The following TSNAX variants were observed in gnomAD, a reference collection of about 807,000 sequenced individuals.
TSNAX encodes the protein translin-associated protein X.
Under a neutral mutation model 33.0 loss-of-function variants are expected in TSNAX, and 12 were observed. The observed-to-expected ratio is 0.36, with a 90% confidence interval of 0.23 to 0.59. The LOEUF (loss-of-function observed/expected upper bound fraction) is 0.59, where lower values mean the gene tolerates loss of function less well. TSNAX is among the 20% of genes least tolerant of loss of function. The pLI, the probability that TSNAX is intolerant of heterozygous loss-of-function variation, is 0.74. For synonymous variants in TSNAX, 110 were observed against 117.2 expected, an observed-to-expected ratio of 0.94 and a Z score of 0.40; for missense variants, 267 against 341.3, an observed-to-expected ratio of 0.78 and a Z score of 1.72.
rs960943721 is a variant in TSNAX, at chr1:231,528,837, TAAC to T, written c.16+16_16+18del. 6.2e-7 allele frequency: 1 copy of T among 1,614,202 alleles called. No individual in the cohort carries two copies. Among genetic ancestry groups the T allele is most frequent in the South Asian group, 1.1e-5 (1 of 91,084 alleles). ...TGAGCAACAAAGAAGGTGGCGTCCT[TAAC>T]AACACGGGGCGTTATTTATCCGGAG... On this transcript the variant is annotated intron_variant, in intron 1 of 5. Coordinates refer to ENST00000366639, the MANE Select transcript of TSNAX (RefSeq NM_005999.3).
chr1:231,548,267 T>C (rs1407780690), intron 4 of TSNAX, among the ~76,000 whole-genome samples: 4 of 152,232 alleles, frequency 2.6e-5, no homozygotes, highest in African/African-American at 9.6e-5. Context: ...CTGATAACAT[T>C]ATTCTGTATA....
intron 3 of TSNAX, among the ~76,000 whole-genome samples, chr1:231,540,260 G>A (rs1414923519): frequency 6.6e-6 from 1 of 150,714 alleles, no homozygotes; most frequent in East Asian, 1.9e-4. Flanking sequence ...AGGACCTCAT[G>A]TATTTTAACT....
intron 4 of TSNAX, among the ~76,000 whole-genome samples, chr1:231,546,191 A>G (rs573574752): frequency 5.9e-5 from 9 of 152,308 alleles, no homozygotes; most frequent in African/African-American, 2.2e-4. Flanking sequence ...TTCACTTTAT[A>G]TATCCCAGAC....
At position 231,528,691 on chromosome 1, in the gene TSNAX, C is replaced by G. The variant is rs1370498234; in HGVS notation, c.-120C>G. On this transcript the variant is annotated 5_prime_UTR_variant, in exon 1 of 6. Transcript: ENST00000366639. ...CTTCCGGCCACTGCGTTGTAGTCGG[C>G]CCGGCTGCAAAGCGTTTTTCTGCAG... 17 of 1,179,738 alleles carry G rather than the reference C, an allele frequency of 1.4e-5. No homozygotes were observed. The highest frequency in any genetic ancestry group is 1.9e-5 in the Non-Finnish European group (15 of 804,354). 73.1% of individuals were successfully genotyped at this position (1,179,738 alleles called of 1,614,324 possible). A position where few individuals can be genotyped will look rare whatever the true frequency, so the allele number is the denominator to read the frequency against.
chr1:231,552,299 A>G (rs939705137), intron 4 of TSNAX, among the ~76,000 whole-genome samples: 1 of 151,110 alleles, frequency 6.6e-6, no homozygotes, highest in Non-Finnish European at 1.5e-5. Context: ...AAAAAAAACC[A>G]AAACAAACAA....
At chr1:231,559,983 TTA>T (rs746649209) in intron 4 of TSNAX, among the ~76,000 whole-genome samples, 53 of 143,012 alleles carry the variant, frequency 3.7e-4, no homozygotes, top group African/African-American at 1.3e-3. Flanking sequence ...ATTATTATTA[TTA>T]TTTTTTTTTT....
Position 231,552,252 on chromosome 1 carries a change from G to C in TSNAX, c.368-8876G>C, listed in dbSNP as rs532452559. 3.5e-4 allele frequency among the ~76,000 whole-genome samples: 53 copies of C among 152,168 alleles called. 1 individual carries two copies. Among genetic ancestry groups the C allele is most frequent in the Non-Finnish European group, 5.4e-4 (37 of 68,016 alleles). On this transcript the variant is annotated intron_variant, in intron 4 of 5. Transcript: ENST00000366639. Reference sequence around the variant, plus strand: ...TGCAGTGAGCCAAGATCGTGCCACTGTACTCCATCCTGGGCAACAGAGCCA... The same window carrying C: ...TGCAGTGAGCCAAGATCGTGCCACTCTACTCCATCCTGGGCAACAGAGCCA...
intron 2 of TSNAX, chr1:231,536,275 A>G (rs1030400498): frequency 6.6e-6 from 1 of 152,216 alleles, no homozygotes; most frequent in African/African-American, 2.4e-5. Flanking sequence ...TTCTGAAAAT[A>G]ATATTTCTGA....
At chr1:231,552,047 G>A (rs1156297148) in intron 4 of TSNAX, among the ~76,000 whole-genome samples, 2 of 152,186 alleles carry the variant, frequency 1.3e-5, no homozygotes, top group East Asian at 3.9e-4. Context: ...TGTAATCTCA[G>A]CACTTTGGGA....
At chr1:231,554,400 CAT>C (rs1163534716) in intron 4 of TSNAX, among the ~76,000 whole-genome samples, 1 of 152,112 alleles carries the variant, frequency 6.6e-6, no homozygotes, top group Admixed American at 6.5e-5. Flanking sequence ...GTCTCTTGTA[CAT>C]ATGAGTTGCT....
At position 231,529,404 on chromosome 1, in the gene TSNAX, T is replaced by A. The variant is rs1411265659; in HGVS notation, c.121+45T>A. The A allele has an allele frequency of 1.9e-6, 3 of 1,585,072 alleles. No homozygotes were observed. In the African/African-American group the frequency reaches 4.0e-5, roughly 21 times the overall value. ...AGTTGAAGAAGGGGAGAGAACAAAA[T>A]TATTTAGCCATGGTTATGCGCAAGA... On this transcript the variant is annotated intron_variant, in intron 2 of 5. Transcript: ENST00000366639.
At chr1:231,541,521 G>A (rs1325391182) in intron 3 of TSNAX, among the ~76,000 whole-genome samples, 1 of 151,974 alleles carries the variant, frequency 6.6e-6, no homozygotes, top group Non-Finnish European at 1.5e-5. Flanking sequence ...TGTGATTCAT[G>A]TTATTTCTAC....
rs371017833 is a variant in TSNAX at position 231,552,729 on chromosome 1, G to A, written c.368-8399G>A. Among the ~76,000 whole-genome samples, 5 of 152,116 alleles carry A rather than the reference G, an allele frequency of 3.3e-5. No homozygotes were observed. The East Asian group carries it at 7.7e-4, about 23-fold the overall frequency. ...CAAAAGAAACCTCCTACCTATTAGC[G>A]GTCATTCCCCATTCCCCGTTCTCCT... On this transcript the variant is annotated intron_variant, in intron 4 of 5. Transcript: ENST00000366639.
intron 4 of TSNAX, among the ~76,000 whole-genome samples, chr1:231,559,325 TG>T (rs978831019): frequency 3.9e-5 from 6 of 151,990 alleles, no homozygotes; most frequent in African/African-American, 1.5e-4. Flanking sequence ...AGTTTGTTGT[TG>T]TTGTTGTTGT....
chr1:231,552,939 G>A (rs1660420012), intron 4 of TSNAX, among the ~76,000 whole-genome samples: 1 of 152,140 alleles, frequency 6.6e-6, no homozygotes. Flanking sequence ...CTTTTTAATA[G>A]CTGAATTATA....
Position 231,538,931 on chromosome 1 carries a change from C to CAA in TSNAX, c.236+1621_236+1622dup, listed in dbSNP as rs548749042. Among the ~76,000 whole-genome samples the CAA allele has an allele frequency of 4.2e-3, 259 of 62,194 alleles. 2 individuals carry two copies. The highest frequency in any genetic ancestry group is 0.013 in the African/African-American group (240 of 18,416). The allele number at this position is 62,194 out of a possible 152,430, so 40.8% of individuals were successfully genotyped here. ...TGGGCGACAGAATGAGACCCTGTCT[C>CAA]AAAAAAAAAAAAAAAAAAGATACTG... is the stretch of plus-strand genomic sequence containing the variant. On this transcript the variant is annotated intron_variant, in intron 3 of 5. Transcript: ENST00000366639.
At chr1:231,560,576 G>C (rs963054100) in intron 4 of TSNAX, among the ~76,000 whole-genome samples, 3 of 150,900 alleles carry the variant, frequency 2.0e-5, no homozygotes, top group Non-Finnish European at 4.4e-5. Context: ...CACCACACCC[G>C]GCTAATATTT....
intron 2 of TSNAX, among the ~76,000 whole-genome samples, chr1:231,532,519 C>T (rs1162131024): frequency 1.3e-5 from 2 of 151,282 alleles, no homozygotes; most frequent in African/African-American, 4.9e-5. Context: ...TCAGTTATAC[C>T]CCAGTAAAGG....
rs1191295794 is a variant in TSNAX at position 231,537,256 on chromosome 1, A to G, written c.165A>G (p.Arg55=). ...ATGCAAGGCATGACAAATATGAGAGACTTGTGAAACTTAGTCGGGATATAA... is the reference window on the plus strand; with the variant it reads ...ATGCAAGGCATGACAAATATGAGAGGCTTGTGAAACTTAGTCGGGATATAA... ...ELDARHDKYE[R]LVKLSRDITV... Residue 55 remains arginine, a synonymous_variant, in exon 3 of 6, where the codon AGA becomes AGG. Transcript: ENST00000366639. 6.2e-7 allele frequency: 1 copy of G among 1,613,696 alleles called. No homozygotes were observed. Among genetic ancestry groups the G allele is most frequent in the Non-Finnish European group, 8.5e-7 (1 of 1,179,866 alleles).
Sources: gnomAD v4.1 joint callset for allele counts (sites outside exome capture counted in the v4.1 genomes callset) on GRCh38, gnomAD v4.1.1 for gene constraint, MANE v1.5 for transcripts, NCBI Gene and HGNC (gene_info 2026-07-23, HGNC 2026-07-21) for gene names.